Variants in SNX29 observed in about 807,000 individuals in gnomAD.
SNX29 encodes sorting nexin 29.
SNX29 carries 78 observed loss-of-function variants against 102.1 expected under a neutral mutation model. The ratio of observed to expected loss-of-function variants is 0.76; its 90% CI spans 0.64 to 0.92. The LOEUF (loss-of-function observed/expected upper bound fraction) is 0.92. Ranked by LOEUF, SNX29 falls within the 40% of genes least tolerant of loss-of-function variation. SNX29 has a pLI of 0.00. For missense variants in SNX29, 1,280 were observed against 1,061.7 expected (o/e 1.21, Z -2.86); for synonymous variants, 580 against 414.5 (o/e 1.40, Z -4.85).
intron 20 of SNX29, among the ~76,000 whole-genome samples, chr16:12,559,147 C>G (rs1463894121): frequency 1.3e-5 from 2 of 152,112 alleles, no homozygotes; most frequent in East Asian, 1.9e-4. Context: ...GTCCCCAACC[C>G]CTGGCCCAGT....
intron 14 of SNX29, among the ~76,000 whole-genome samples, chr16:12,240,594 T>TC (rs2078074047): frequency 8.7e-6 from 1 of 115,436 alleles, no homozygotes; most frequent in Non-Finnish European, 1.7e-5. Context: ...TCTTTTTTTT[T>TC]TTTTTTTTTT....
At chr16:12,443,361 A>T (rs901820038) in intron 18 of SNX29, 1 of 161,272 alleles carries the variant, frequency 6.2e-6, no homozygotes, top group African/African-American at 2.4e-5. Context: ...TCAAACTACA[A>T]TGGATGCCAG....
At chr16:12,417,585 C>T (rs2084692397) in intron 18 of SNX29, among the ~76,000 whole-genome samples, 1 of 152,110 alleles carries the variant, frequency 6.6e-6, no homozygotes, top group East Asian at 1.9e-4. Flanking sequence ...TCCTCCTTCT[C>T]ATTCCTTTTC....
chr16:12,158,269 G>A (rs1017389639), intron 13 of SNX29, among the ~76,000 whole-genome samples: 19 of 151,850 alleles, frequency 1.3e-4, no homozygotes, highest in African/African-American at 3.6e-4. Context: ...GCGCAATCTC[G>A]GCTTACTGCA....
In SNX29 at chr16:12,450,355, C is replaced by G. The variant is rs868705673; in HGVS notation, c.2038-27364C>G. Among the ~76,000 whole-genome samples, 8 of 152,286 alleles carry G rather than the reference C, an allele frequency of 5.3e-5. 1 individual carries two copies. The highest frequency in any genetic ancestry group is 1.2e-4 in the African/African-American group (5 of 41,566). On this transcript the variant is annotated intron_variant, in intron 18 of 20. Coordinates refer to ENST00000566228, the MANE Select transcript of SNX29 (RefSeq NM_032167.5). ...GTTCTAGCTTTTGTTTGGGCACATT[C>G]TCAAACAGCCTTTCTTCTCATGGGC...
At chr16:12,520,590 A>T (rs1385398434) in intron 19 of SNX29, among the ~76,000 whole-genome samples, 1 of 152,192 alleles carries the variant, frequency 6.6e-6, no homozygotes, top group Non-Finnish European at 1.5e-5. Context: ...AATATGGTTT[A>T]TATACACCAT....
At position 12,078,186 on chromosome 16, in the gene SNX29, A is replaced by G. The variant is rs987152537; in HGVS notation, c.1320-647A>G. On this transcript the variant is annotated intron_variant, in intron 10 of 20. Coordinates refer to ENST00000566228, the MANE Select transcript of SNX29 (RefSeq NM_032167.5). ...CATTTTAAACAATAAAATCAAGTGG[A>G]AAAAAAGGCCGGGTGTGGTGGGTCA... 8.2e-5 allele frequency among the ~76,000 whole-genome samples: 12 copies of G among 147,034 alleles called. No homozygotes were observed. In the East Asian group the frequency reaches 2.5e-3, roughly 30 times the overall value.
chr16:12,537,661 C>T (rs1489899705), intron 20 of SNX29, among the ~76,000 whole-genome samples: 1 of 152,164 alleles, frequency 6.6e-6, no homozygotes, highest in Non-Finnish European at 1.5e-5. Context: ...GTTTGCCCTA[C>T]TTCATGTCTT....
intron 18 of SNX29, among the ~76,000 whole-genome samples, chr16:12,412,468 G>C (rs1046736239): frequency 1.3e-5 from 2 of 152,208 alleles, no homozygotes; most frequent in Non-Finnish European, 2.9e-5. Flanking sequence ...CAGCTGCCGT[G>C]GGCAGCTGAT....
chr16:12,402,826 G>A (rs772911369), intron 17 of SNX29, among the ~76,000 whole-genome samples: 4 of 152,320 alleles, frequency 2.6e-5, no homozygotes, highest in Non-Finnish European at 4.4e-5. Context: ...AAAGCTGAAA[G>A]AGAGGTATTT....
intron 18 of SNX29, among the ~76,000 whole-genome samples, chr16:12,444,416 C>T (rs943257123): frequency 5.9e-5 from 9 of 152,240 alleles, no homozygotes; most frequent in African/African-American, 1.9e-4. Context: ...CAGGTGGCTG[C>T]TTCCAGCCCA....
intron 10 of SNX29, among the ~76,000 whole-genome samples, chr16:12,071,746 A>T (rs554492149): frequency 6.6e-6 from 1 of 152,254 alleles, no homozygotes; most frequent in African/African-American, 2.4e-5. Flanking sequence ...CATTGAATCT[A>T]TAAATTACCT....
intron 14 of SNX29, among the ~76,000 whole-genome samples, chr16:12,206,060 C>G (rs1312086293): frequency 6.6e-6 from 1 of 152,182 alleles, no homozygotes; most frequent in Non-Finnish European, 1.5e-5. Context: ...CCCCATGTAA[C>G]TGCATCTTTC....
intron 11 of SNX29, among the ~76,000 whole-genome samples, chr16:12,092,285 A>AGAAGGAAGGAAG (rs35344440): frequency 6.6e-6 from 1 of 151,458 alleles, no homozygotes; most frequent in African/African-American, 2.4e-5. Flanking sequence ...AGACATTTAA[A>AGAAGGAAGGAAG]GAAGGAAGGA....
At chr16:11,980,364 A>T (rs2055387694) in intron 1 of SNX29, among the ~76,000 whole-genome samples, 1 of 152,180 alleles carries the variant, frequency 6.6e-6, no homozygotes, top group Non-Finnish European at 1.5e-5. Context: ...TTGTGGCCAC[A>T]TTATATTCCT....
intron 18 of SNX29, among the ~76,000 whole-genome samples, chr16:12,435,952 G>A (rs779602124): frequency 2.0e-5 from 3 of 152,202 alleles, no homozygotes; most frequent in South Asian, 2.1e-4. Context: ...CACACGTGCC[G>A]CGCGTTACTT....
At chr16:11,994,497 T>C (rs2055981223) in intron 1 of SNX29, among the ~76,000 whole-genome samples, 1 of 152,196 alleles carries the variant, frequency 6.6e-6, no homozygotes, top group Admixed American at 6.6e-5. Flanking sequence ...GCTTAGCAGC[T>C]GGCAGCTCCA....
chr16:12,311,654 C>T (rs2080554093), intron 15 of SNX29, among the ~76,000 whole-genome samples: 1 of 152,246 alleles, frequency 6.6e-6, no homozygotes, highest in African/African-American at 2.4e-5. Flanking sequence ...CAACCCTTCA[C>T]CCGGCTTATT....
intron 15 of SNX29, among the ~76,000 whole-genome samples, chr16:12,336,955 C>T (rs974433118): frequency 1.3e-5 from 2 of 152,150 alleles, no homozygotes; most frequent in Non-Finnish European, 2.9e-5. Context: ...CAAAAACAAA[C>T]AAACAAACAA....
Sources: gnomAD v4.1 joint callset for allele counts (sites outside exome capture counted in the v4.1 genomes callset) on GRCh38, gnomAD v4.1.1 for gene constraint, MANE v1.5 for transcripts, NCBI Gene and HGNC (gene_info 2026-07-23, HGNC 2026-07-21) for gene names.